TANC2: variants seen among roughly 807,000 people sequenced by gnomAD.
TANC2 encodes protein TANC2.
TANC2 carries 26 observed loss-of-function variants against 210.5 expected under a neutral mutation model. That is an observed-to-expected ratio of 0.12 (90% confidence interval 0.09 to 0.17). TANC2 has a LOEUF of 0.17. Among genes scored for constraint, TANC2 ranks in the 10% least tolerant of loss-of-function variants. The probability of loss-of-function intolerance (pLI) is 1.00; values close to 1 mark genes in which losing one functional copy is unlikely to be tolerated. For missense variants in TANC2, 2,129 were observed against 2,608.9 expected (o/e 0.82, Z 4.01); for synonymous variants, 931 against 967.1 (o/e 0.96, Z 0.69).
intron 14 of TANC2, among the ~76,000 whole-genome samples, chr17:63,371,518 G>A (rs919110331): frequency 1.3e-5 from 2 of 151,688 alleles, no homozygotes; most frequent in African/African-American, 2.4e-5. Flanking sequence ...TGAAGCATTA[G>A]AAGGTTGTAT....
chr17:63,071,486 A>G (rs1345533850), intron 2 of TANC2, among the ~76,000 whole-genome samples: 1 of 152,090 alleles, frequency 6.6e-6, no homozygotes, highest in East Asian at 1.9e-4. Context: ...GGTCTTCATT[A>G]GAAAGGAGCA....
At chr17:63,126,108 G>A (rs2038697661) in intron 4 of TANC2, among the ~76,000 whole-genome samples, 1 of 152,166 alleles carries the variant, frequency 6.6e-6, no homozygotes, top group Non-Finnish European at 1.5e-5. Flanking sequence ...ATCACAATAA[G>A]TGCTCAATTA....
intron 4 of TANC2, among the ~76,000 whole-genome samples, chr17:63,115,217 A>G (rs1270961264): frequency 6.6e-6 from 1 of 152,228 alleles, no homozygotes; most frequent in African/African-American, 2.4e-5. Context: ...AAGAGATTAG[A>G]TTATCCAGGA....
chr17:63,186,600 C>A (rs181057566), intron 5 of TANC2, among the ~76,000 whole-genome samples: 1 of 151,958 alleles, frequency 6.6e-6, no homozygotes, highest in South Asian at 2.1e-4. Flanking sequence ...TGATCCACCC[C>A]CCGCTTCAGC....
chr17:63,220,719 A>AATATAT (rs1266114806), intron 7 of TANC2, among the ~76,000 whole-genome samples: 3 of 134,410 alleles, frequency 2.2e-5, no homozygotes, highest in South Asian at 4.5e-4. Flanking sequence ...AAAAAAAAAA[A>AATATAT]ATATATATAT....
chr17:63,249,226 T>C (rs919144694), intron 8 of TANC2, among the ~76,000 whole-genome samples: 17 of 152,222 alleles, frequency 1.1e-4, no homozygotes, highest in Admixed American at 3.9e-4. Flanking sequence ...GTTTTCTGAA[T>C]ATAAACTTAG....
At chr17:63,414,021 G>A (rs1567999962) in intron 25 of TANC2, 1 of 156,208 alleles carries the variant, frequency 6.4e-6, no homozygotes, top group Non-Finnish European at 1.4e-5. Context: ...AGATTAAAAA[G>A]TATATAGTAA....
chr17:63,016,686 A>C (rs1255561221), intron 2 of TANC2, among the ~76,000 whole-genome samples: 1 of 152,152 alleles, frequency 6.6e-6, no homozygotes, highest in Non-Finnish European at 1.5e-5. Context: ...TCATGGCATA[A>C]GGGTTCCAAT....
chr17:62,967,431 A>G (rs972550021), intron 1 of TANC2: 2 of 152,232 alleles, frequency 1.3e-5, no homozygotes, highest in Non-Finnish European at 2.9e-5. Context: ...GTACAATTGT[A>G]TCCAGTCTTC....
At chr17:63,267,477 C>T (rs533334525) in intron 8 of TANC2, among the ~76,000 whole-genome samples, 4 of 152,128 alleles carry the variant, frequency 2.6e-5, no homozygotes, top group African/African-American at 9.6e-5. Context: ...TATTTAATCC[C>T]TCTGTTTAAG....
At chr17:63,424,470 C>T (rs779349058) in exon 28 of TANC2, 1 of 152,116 alleles carries the variant, frequency 6.6e-6, no homozygotes, top group Admixed American at 6.5e-5. Flanking sequence ...TGGAATGATC[C>T]GAGTACTGTA....
intron 2 of TANC2, among the ~76,000 whole-genome samples, chr17:63,025,780 A>C (rs1340229110): frequency 6.6e-6 from 1 of 150,828 alleles, no homozygotes; most frequent in Non-Finnish European, 1.5e-5. Context: ...TGGGTGACAG[A>C]GTGAGACCCT....
At chr17:63,059,551 A>C (rs2035921645) in intron 2 of TANC2, among the ~76,000 whole-genome samples, 1 of 152,044 alleles carries the variant, frequency 6.6e-6, no homozygotes, top group South Asian at 2.1e-4. Flanking sequence ...ATTTTTAGGG[A>C]GATTCCTCTT....
chr17:63,206,231 G>A (rs932466152), intron 7 of TANC2, among the ~76,000 whole-genome samples: 1 of 152,184 alleles, frequency 6.6e-6, no homozygotes, highest in African/African-American at 2.4e-5. Flanking sequence ...GGAGAAATTG[G>A]AACTCTCATA....
chr17:63,373,182 C>A (rs8066571), intron 14 of TANC2, among the ~76,000 whole-genome samples: 28,569 of 151,938 alleles, frequency 0.19, 3,301 homozygotes, highest in South Asian at 0.31. Flanking sequence ...AGGTGAGAGC[C>A]ACTGTGCCTT....
intron 5 of TANC2, among the ~76,000 whole-genome samples, chr17:63,185,955 T>G (rs1430437906): frequency 1.3e-5 from 2 of 152,228 alleles, no homozygotes; most frequent in Non-Finnish European, 2.9e-5. Flanking sequence ...TCTTAATGGT[T>G]GTTGCCTTTT....
At chr17:63,242,047 G>A (rs575380037) in intron 8 of TANC2, among the ~76,000 whole-genome samples, 1 of 152,204 alleles carries the variant, frequency 6.6e-6, no homozygotes, top group South Asian at 2.1e-4. Flanking sequence ...CCAAACTTAG[G>A]AATTTTCATT....
At chr17:63,147,710 T>C (rs1023464727) in intron 4 of TANC2, among the ~76,000 whole-genome samples, 1 of 152,222 alleles carries the variant, frequency 6.6e-6, no homozygotes, top group Admixed American at 6.5e-5. Flanking sequence ...GAATACTGTT[T>C]AACTTCCATT....
intron 1 of TANC2, among the ~76,000 whole-genome samples, chr17:62,993,840 G>A (rs993851368): frequency 6.6e-6 from 1 of 152,092 alleles, no homozygotes; most frequent in African/African-American, 2.4e-5. Flanking sequence ...GAGGCAAGAG[G>A]ATTATTTGAG....
Sources: allele counts gnomAD v4.1 joint callset (sites outside exome capture counted in the v4.1 genomes callset), GRCh38; gene constraint gnomAD v4.1.1; transcripts MANE v1.5; gene names NCBI Gene and HGNC (gene_info 2026-07-23, HGNC 2026-07-21).